Variants in ST6GALNAC3 observed in about 807,000 individuals in gnomAD.
ST6GALNAC3 encodes ST6 N-acetylgalactosaminide alpha-2,6-sialyltransferase 3, also known as alpha-N-acetylgalactosaminide alpha-2,6-sialyltransferase 3.
ST6GALNAC3 carries 25 observed loss-of-function variants against 32.7 expected under a neutral mutation model. That is an observed-to-expected ratio of 0.76 (90% CI 0.56 to 1.07). The LOEUF is 1.07. Ranked by LOEUF, ST6GALNAC3 falls within the 50% of genes least tolerant of loss-of-function variation. The probability of loss-of-function intolerance (pLI) is 0.00; values close to 1 mark genes in which losing one functional copy is unlikely to be tolerated. For missense variants in ST6GALNAC3, 355 were observed against 382.4 expected (o/e 0.93, Z 0.60); for synonymous variants, 129 against 133.1 (o/e 0.97, Z 0.21).
At chr1:76,383,903 A>C (rs1215745012) in intron 2 of ST6GALNAC3, among the ~76,000 whole-genome samples, 1 of 152,162 alleles carries the variant, frequency 6.6e-6, no homozygotes, top group Non-Finnish European at 1.5e-5. Flanking sequence ...ATAACAAAAG[A>C]ATTTAGATGT....
intron 2 of ST6GALNAC3, among the ~76,000 whole-genome samples, chr1:76,373,055 C>T (rs548570045): frequency 6.6e-6 from 1 of 152,262 alleles, no homozygotes; most frequent in East Asian, 1.9e-4. Context: ...CTTCAACCTC[C>T]CAAAGTGCTG....
intron 3 of ST6GALNAC3, among the ~76,000 whole-genome samples, chr1:76,507,259 T>A (rs575625510): frequency 2.0e-5 from 3 of 152,314 alleles, no homozygotes; most frequent in African/African-American, 7.2e-5. Flanking sequence ...TTCCTTTTCT[T>A]TTTTAAAATA....
chr1:76,512,842 T>A (rs528833227), intron 3 of ST6GALNAC3, among the ~76,000 whole-genome samples: 2 of 152,164 alleles, frequency 1.3e-5, no homozygotes, highest in Non-Finnish European at 2.9e-5. Context: ...ACAGCCATTC[T>A]AAATGGAGCA....
chr1:76,491,760 C>T (rs1193027915), intron 3 of ST6GALNAC3, among the ~76,000 whole-genome samples: 2 of 152,150 alleles, frequency 1.3e-5, no homozygotes, highest in African/African-American at 4.8e-5. Context: ...AGTGAAGGGG[C>T]AAGCACTCCT....
intron 3 of ST6GALNAC3, among the ~76,000 whole-genome samples, chr1:76,621,344 T>A (rs1648636384): frequency 1.3e-5 from 2 of 152,088 alleles, no homozygotes; most frequent in Non-Finnish European, 2.9e-5. Context: ...TTCACTTGGT[T>A]CATTCTCTTA....
intron 3 of ST6GALNAC3, among the ~76,000 whole-genome samples, chr1:76,437,720 G>C (rs1656250134): frequency 6.6e-6 from 1 of 151,834 alleles, no homozygotes; most frequent in African/African-American, 2.4e-5. Flanking sequence ...TGGGACTACA[G>C]GCACGCACCA....
At chr1:76,365,019 C>G (rs573640498) in intron 2 of ST6GALNAC3, among the ~76,000 whole-genome samples, 1 of 152,150 alleles carries the variant, frequency 6.6e-6, no homozygotes, top group Non-Finnish European at 1.5e-5. Context: ...AAAACACCTG[C>G]ATTCATATAT....
rs186581013 is a variant in ST6GALNAC3 at position 76,584,969 on chromosome 1, A to G, written c.624-42483A>G. Among the ~76,000 whole-genome samples, 40 of 152,372 alleles carry G rather than the reference A, an allele frequency of 2.6e-4. No individual in the cohort carries two copies. In the East Asian group the frequency reaches 6.7e-3, roughly 26 times the overall value. On this transcript the variant is annotated intron_variant, in intron 3 of 4. Coordinates refer to ENST00000328299, the MANE Select transcript of ST6GALNAC3 (RefSeq NM_152996.4). ...AAATATGAGTGTTAGCCTGGGTCCCAGAGTGAAGAAGACATCTACCCAGCC... is the reference window on the plus strand; with the variant it reads ...AAATATGAGTGTTAGCCTGGGTCCCGGAGTGAAGAAGACATCTACCCAGCC...
At chr1:76,536,278 T>C (rs1215129099) in intron 3 of ST6GALNAC3, among the ~76,000 whole-genome samples, 1 of 152,134 alleles carries the variant, frequency 6.6e-6, no homozygotes, top group Non-Finnish European at 1.5e-5. Flanking sequence ...GATGTCTTAG[T>C]CTGTTCTCAC....
At chr1:76,326,559 T>G (rs1647073932) in intron 2 of ST6GALNAC3, among the ~76,000 whole-genome samples, 2 of 152,124 alleles carry the variant, frequency 1.3e-5, no homozygotes, top group Admixed American at 6.6e-5. Flanking sequence ...TAATATCTTA[T>G]CTACACAAGT....
chr1:76,582,961 G>A (rs1414236613), intron 3 of ST6GALNAC3, among the ~76,000 whole-genome samples: 1 of 152,144 alleles, frequency 6.6e-6, no homozygotes, highest in Non-Finnish European at 1.5e-5. Flanking sequence ...TGCCCCTGCA[G>A]ACTGGGTTGT....
chr1:76,236,284 G>A (rs939089429), intron 1 of ST6GALNAC3, among the ~76,000 whole-genome samples: 2 of 152,074 alleles, frequency 1.3e-5, no homozygotes, highest in African/African-American at 4.8e-5. Context: ...ATCTACAATG[G>A]CCCTACTTCT....
At chr1:76,223,265 TTA>T (rs1447616696) in intron 1 of ST6GALNAC3, among the ~76,000 whole-genome samples, 18 of 152,114 alleles carry the variant, frequency 1.2e-4, no homozygotes, top group African/African-American at 4.1e-4. Flanking sequence ...CTGTAAGCCA[TTA>T]TCCTAAGAAA....
chr1:76,300,712 G>C (rs1660678285), intron 1 of ST6GALNAC3, among the ~76,000 whole-genome samples: 1 of 152,080 alleles, frequency 6.6e-6, no homozygotes, highest in Non-Finnish European at 1.5e-5. Context: ...AGCAATGTCT[G>C]CCTGGGGAGA....
intron 1 of ST6GALNAC3, among the ~76,000 whole-genome samples, chr1:76,255,008 G>A (rs1405275639): frequency 6.7e-6 from 1 of 149,188 alleles, no homozygotes; most frequent in African/African-American, 2.5e-5. Flanking sequence ...CTTCTGCGTG[G>A]TTTCTGCAAA....
chr1:76,419,720 C>T (rs757838217), intron 3 of ST6GALNAC3, among the ~76,000 whole-genome samples: 26 of 152,066 alleles, frequency 1.7e-4, no homozygotes, highest in Non-Finnish European at 3.1e-4. Context: ...TCCTATACTA[C>T]GCCCATCTGT....
At chr1:76,265,009 A>G (rs991721183) in intron 1 of ST6GALNAC3, among the ~76,000 whole-genome samples, 1 of 151,616 alleles carries the variant, frequency 6.6e-6, no homozygotes, top group Admixed American at 6.6e-5. Context: ...TAAGTTACCT[A>G]TTCCTGATTA....
intron 1 of ST6GALNAC3, among the ~76,000 whole-genome samples, chr1:76,304,021 T>C (rs547694975): frequency 6.6e-6 from 1 of 151,996 alleles, no homozygotes; most frequent in South Asian, 2.1e-4. Flanking sequence ...TAAAGTGAGA[T>C]GAATTAAGAA....
chr1:76,259,710 A>G (rs1216704634), intron 1 of ST6GALNAC3, among the ~76,000 whole-genome samples: 6 of 152,194 alleles, frequency 3.9e-5, no homozygotes, highest in Admixed American at 3.9e-4. Context: ...CTATTAGTAT[A>G]TAAATGCTAG....
Sources: allele counts gnomAD v4.1 joint callset (sites outside exome capture counted in the v4.1 genomes callset), GRCh38; gene constraint gnomAD v4.1.1; transcripts MANE v1.5; gene names NCBI Gene and HGNC (gene_info 2026-07-23, HGNC 2026-07-21).